Variants in MECOM observed in about 807,000 individuals in gnomAD.
MECOM encodes the protein histone-lysine N-methyltransferase MECOM.
MECOM carries 13 observed loss-of-function variants against 116.3 expected under a neutral mutation model. The ratio of observed to expected loss-of-function variants is 0.11; its 90% CI spans 0.07 to 0.18. MECOM has a LOEUF of 0.18. Ranked by LOEUF, MECOM falls within the 10% of genes least tolerant of loss-of-function variation. MECOM has a pLI of 1.00. For synonymous variants in MECOM, 528 were observed against 535.2 expected, an observed-to-expected ratio of 0.99 and a Z score of 0.19; for missense variants, 1,299 against 1,509.0, an observed-to-expected ratio of 0.86 and a Z score of 2.31.
chr3:169,350,477 T>C (rs925021511), intron 2 of MECOM, among the ~76,000 whole-genome samples: 4 of 151,966 alleles, frequency 2.6e-5, no homozygotes, highest in Non-Finnish European at 4.4e-5. Flanking sequence ...TCCAAGGCTA[T>C]GTAGAATACA....
At chr3:169,163,129 TA>T in intron 2 of MECOM, among the ~76,000 whole-genome samples, 1 of 152,222 alleles carries the variant, frequency 6.6e-6, no homozygotes, top group South Asian at 2.1e-4. Flanking sequence ...TGTAGTTACT[TA>T]AAAATAGGCC....
intron 2 of MECOM, among the ~76,000 whole-genome samples, chr3:169,358,319 A>T (rs893228827): frequency 1.3e-5 from 2 of 151,720 alleles, no homozygotes; most frequent in Non-Finnish European, 3.0e-5. Context: ...GACACATCTC[A>T]ATGACCAAAG....
chr3:169,385,492 A>G (rs1022353775), intron 1 of MECOM, among the ~76,000 whole-genome samples: 1 of 152,164 alleles, frequency 6.6e-6, no homozygotes, highest in African/African-American at 2.4e-5. Context: ...ATTAAATGTA[A>G]AAAAGGCTGT....
chr3:169,156,146 C>T (rs1741940834), intron 2 of MECOM, among the ~76,000 whole-genome samples: 1 of 152,128 alleles, frequency 6.6e-6, no homozygotes, highest in South Asian at 2.1e-4. Flanking sequence ...ACTCAGAGAG[C>T]TAACTTCACC....
At chr3:169,206,103 A>G (rs557585314) in intron 2 of MECOM, among the ~76,000 whole-genome samples, 2 of 152,208 alleles carry the variant, frequency 1.3e-5, no homozygotes, top group South Asian at 4.1e-4. Context: ...TTCCTGATGT[A>G]GTCATGTTTG....
intron 1 of MECOM, among the ~76,000 whole-genome samples, chr3:169,403,561 C>G (rs935739564): frequency 1.4e-4 from 22 of 152,098 alleles, no homozygotes; most frequent in African/African-American, 5.1e-4. Context: ...TTTGGATTTT[C>G]ATTTTAAGAA....
At chr3:169,416,667 C>A (rs1426609187) in intron 1 of MECOM, among the ~76,000 whole-genome samples, 2 of 151,562 alleles carry the variant, frequency 1.3e-5, no homozygotes, top group African/African-American at 2.4e-5. Context: ...AGAGACAAAT[C>A]AAATAGGCAC....
At chr3:169,205,733 T>C (rs1375527196) in intron 2 of MECOM, among the ~76,000 whole-genome samples, 2 of 152,156 alleles carry the variant, frequency 1.3e-5, no homozygotes, top group African/African-American at 2.4e-5. Flanking sequence ...TTTTCATGTT[T>C]TGGCCAAATT....
intron 1 of MECOM, among the ~76,000 whole-genome samples, chr3:169,577,260 C>T (rs768268228): frequency 2.0e-5 from 3 of 152,162 alleles, no homozygotes; most frequent in Non-Finnish European, 4.4e-5. Flanking sequence ...GCTTAAAAAG[C>T]TGTTATGTCA....
intron 1 of MECOM, among the ~76,000 whole-genome samples, chr3:169,415,772 A>AAAAG (rs199554239): frequency 0.046 from 6,962 of 152,242 alleles, 186 homozygotes; most frequent in South Asian, 0.065. Context: ...CAAATATAAA[A>AAAAG]AAAGACAAAG....
At chr3:169,238,174 CAAAAAAA>C (rs869078937) in intron 2 of MECOM, among the ~76,000 whole-genome samples, 13 of 72,100 alleles carry the variant, frequency 1.8e-4, no homozygotes, top group East Asian at 4.0e-4. Context: ...GACTCCATCT[CAAAAAAA>C]AAAAAAAAAG....
intron 1 of MECOM, among the ~76,000 whole-genome samples, chr3:169,498,437 A>G (rs914865957): frequency 6.6e-6 from 1 of 152,226 alleles, no homozygotes; most frequent in Admixed American, 6.5e-5. Context: ...AAGGAAACCT[A>G]CAATACTAAA....
intron 1 of MECOM, among the ~76,000 whole-genome samples, chr3:169,383,081 C>G (rs1183618882): frequency 2.0e-5 from 3 of 151,904 alleles, no homozygotes; most frequent in African/African-American, 7.3e-5. Flanking sequence ...AGATAGAAGA[C>G]CTTCATTATT....
chr3:169,209,307 T>C (rs1389557516), intron 2 of MECOM, among the ~76,000 whole-genome samples: 1 of 152,200 alleles, frequency 6.6e-6, no homozygotes, highest in Non-Finnish European at 1.5e-5. Context: ...AAAGACTTCA[T>C]GATGAAAACA....
intron 1 of MECOM, among the ~76,000 whole-genome samples, chr3:169,465,009 A>T (rs1264356044): frequency 6.6e-6 from 1 of 152,154 alleles, no homozygotes; most frequent in African/African-American, 2.4e-5. Flanking sequence ...TTTTATGTGG[A>T]AGAATTTTTT....
intron 1 of MECOM, among the ~76,000 whole-genome samples, chr3:169,577,047 G>T (rs1318660694): frequency 6.6e-6 from 1 of 152,144 alleles, no homozygotes; most frequent in East Asian, 1.9e-4. Flanking sequence ...ATGGAACCAA[G>T]TTTTCTGAGT....
At chr3:169,625,659 A>G (rs2109929405) in intron 1 of MECOM, among the ~76,000 whole-genome samples, 1 of 152,336 alleles carries the variant, frequency 6.6e-6, no homozygotes, top group East Asian at 1.9e-4. Flanking sequence ...TCTTTCCACA[A>G]ATCACTTCAC....
intron 3 of MECOM, among the ~76,000 whole-genome samples, chr3:169,139,879 A>T (rs1223943889): frequency 1.3e-5 from 2 of 152,006 alleles, no homozygotes; most frequent in Non-Finnish European, 2.9e-5. Flanking sequence ...GCAATGAGTT[A>T]TGTCCACCAA....
At chr3:169,264,594 T>C (rs1278443457) in intron 2 of MECOM, among the ~76,000 whole-genome samples, 3 of 152,136 alleles carry the variant, frequency 2.0e-5, no homozygotes, top group Non-Finnish European at 2.9e-5. Context: ...ACACCCTTGT[T>C]AATCAGGTAA....
Sources: gnomAD v4.1 joint callset for allele counts (sites outside exome capture counted in the v4.1 genomes callset) on GRCh38, gnomAD v4.1.1 for gene constraint, MANE v1.5 for transcripts, NCBI Gene and HGNC (gene_info 2026-07-23, HGNC 2026-07-21) for gene names.